The following NIFK variants were observed in gnomAD, a reference collection of about 807,000 sequenced individuals.
The protein encoded by NIFK is MKI67 FHA domain-interacting nucleolar phosphoprotein.
In NIFK, 16 loss-of-function variants were observed where a neutral mutation model predicts 31.7. The observed-to-expected ratio is 0.50, with a 90% CI of 0.34 to 0.77. NIFK has a LOEUF of 0.77. Among genes scored for constraint, NIFK ranks in the 30% least tolerant of loss-of-function variants. The probability of loss-of-function intolerance (pLI) is 0.01; values close to 1 mark genes in which losing one functional copy is unlikely to be tolerated. For missense variants in NIFK, 341 were observed against 350.4 expected, an observed-to-expected ratio of 0.97 and a Z score of 0.21; for synonymous variants, 126 against 123.0, an observed-to-expected ratio of 1.02 and a Z score of -0.16.
chr2:121,729,906 A>G lies in NIFK; in HGVS notation c.564+987T>C, dbSNP rs114126809. Among the ~76,000 whole-genome samples, 807 of 152,344 alleles carry G rather than the reference A, an allele frequency of 5.3e-3. 10 individuals are homozygous for G. The highest frequency in any genetic ancestry group is 0.018 in the African/African-American group (757 of 41,574). ...CATAATGTTTTAGGAAGAACCTACA[A>G]TGGAATGTTTCAAAAGTTTAGTCAG... On this transcript the variant is annotated intron_variant, in intron 4 of 6. Transcript: ENST00000285814.
At chr2:121,728,860 G>C (rs1338326558) in intron 4 of NIFK, among the ~76,000 whole-genome samples, 4 of 152,114 alleles carry the variant, frequency 2.6e-5, no homozygotes, top group African/African-American at 9.7e-5. Flanking sequence ...CACAAACAGG[G>C]TACAGGAAAA....
chr2:121,728,077 T>C, intron 6 of NIFK, 165 bp from the exon 7 acceptor site: 1 of 738,852 alleles, frequency 1.4e-6, no homozygotes, highest in Non-Finnish European at 2.1e-6. Flanking sequence ...CTTAGATGCT[T>C]ATCAAACTTG....
intron 3 of NIFK, 128 bp from the exon 4 acceptor site, chr2:121,731,232 C>G: frequency 1.6e-6 from 1 of 610,846 alleles, no homozygotes; most frequent in Non-Finnish European, 2.9e-6. Context: ...CCCAGCTTCT[C>G]TCACAGCAAT....
chr2:121,727,997 T>C, intron 6 of NIFK, 85 bp from the exon 7 acceptor site: 1 of 1,251,962 alleles, frequency 8.0e-7, no homozygotes, highest in Non-Finnish European at 1.1e-6. Context: ...TCCTCTATTT[T>C]TACAAGTTGT....
intron 1 of NIFK, among the ~76,000 whole-genome samples, chr2:121,736,210 T>C (rs958625005): frequency 6.6e-6 from 1 of 152,262 alleles, no homozygotes; most frequent in East Asian, 1.9e-4. Context: ...TAAGTTTTCC[T>C]GTGTATTTTA....
chr2:121,728,543 TA>T lies in NIFK; in HGVS notation c.565-8del. On this transcript the variant is annotated splice_region_variant and splice_polypyrimidine_tract_variant and intron_variant, in intron 4 of 6. Coordinates refer to ENST00000285814, the MANE Select transcript of NIFK (RefSeq NM_032390.5). ...TTTCCGTTTTCTGTAAAATCTTTAATAAAGAAGTTAGAAATTGACACTCATA... is the reference window on the plus strand; with the variant it reads ...TTTCCGTTTTCTGTAAAATCTTTAATAAGAAGTTAGAAATTGACACTCATA... The T allele has an allele frequency of 6.6e-7, 1 of 1,523,990 alleles. No individual in the cohort carries two copies. Among genetic ancestry groups the T allele is most frequent in the Non-Finnish European group, 9.0e-7 (1 of 1,115,564 alleles). The allele number at this position is 1,523,990 out of a possible 1,614,324, so 94.4% of individuals were successfully genotyped here.
At chr2:121,731,807 C>A (rs1023261190) in intron 3 of NIFK, among the ~76,000 whole-genome samples, 5 of 152,180 alleles carry the variant, frequency 3.3e-5, no homozygotes, top group African/African-American at 9.7e-5. Context: ...ACTATACTTC[C>A]TTAGAGAAGC....
At position 121,730,219 on chromosome 2, in the gene NIFK, A is replaced by AAAAAC. The variant is rs553647367; in HGVS notation, c.564+669_564+673dup. Among the ~76,000 whole-genome samples, 1,199 of 152,004 alleles carry AAAAAC rather than the reference A, an allele frequency of 7.9e-3. 4 individuals are homozygous for AAAAAC. Among genetic ancestry groups the AAAAAC allele is most frequent in the Middle Eastern group, 0.01 (3 of 292 alleles). On this transcript the variant is annotated intron_variant, in intron 4 of 6. Coordinates refer to ENST00000285814, the MANE Select transcript of NIFK (RefSeq NM_032390.5). ...GGCAACACAGCAAGACTCTGTCTCAAAAAACAAAACAAAACAAAACAAAAC... is the reference window on the plus strand; with the variant it reads ...GGCAACACAGCAAGACTCTGTCTCAAAAAACAAAACAAAACAAAACAAAACAAAAC...
rs1017163090 is a variant in NIFK, at chr2:121,728,049, A to G, written c.694-137T>C. The G allele has an allele frequency of 2.9e-5, 24 of 823,424 alleles. No individual in the cohort carries two copies. In the African/African-American group the frequency reaches 4.0e-4, roughly 14 times the overall value. 51.0% of individuals were successfully genotyped at this position (823,424 alleles called of 1,614,324 possible). ...TCTGTTACCATCTTTTGGTGATACT[A>G]TTGCAAAGAATAAAGAACTTAGATG... is the stretch of plus-strand genomic sequence containing the variant. On this transcript the variant is annotated intron_variant, in intron 6 of 6. Transcript: ENST00000285814.
At position 121,727,894 on chromosome 2, in the gene NIFK, T is replaced by C. The variant is rs773094431; in HGVS notation, c.712A>G (p.Thr238Ala). The C allele has an allele frequency of 6.2e-7, 1 of 1,601,748 alleles. No homozygotes were observed. Among genetic ancestry groups the C allele is most frequent in the Non-Finnish European group, 8.5e-7 (1 of 1,177,440 alleles). ...TTTCGCCTCTCCAAAAATGTTGGTGTACAAACTGGTGTGGGGCCCTGGATT... is the reference window on the plus strand; with the variant it reads ...TTTCGCCTCTCCAAAAATGTTGGTGCACAAACTGGTGTGGGGCCCTGGATT... ...VDSQGPTPVC[T>A]PTFLERRKSQ... Residue 238 changes from threonine to alanine, a missense_variant, in exon 7 of 7, where the codon ACA becomes GCA. Coordinates refer to ENST00000285814, the MANE Select transcript of NIFK (RefSeq NM_032390.5).
intron 4 of NIFK, among the ~76,000 whole-genome samples, chr2:121,728,779 A>C (rs2074514524): frequency 1.3e-5 from 2 of 152,200 alleles, no homozygotes; most frequent in Non-Finnish European, 2.9e-5. Flanking sequence ...TCACTGATTC[A>C]CAGAATCCTG....
intron 2 of NIFK, among the ~76,000 whole-genome samples, chr2:121,732,749 C>T (rs999505352): frequency 2.9e-4 from 44 of 151,936 alleles, no homozygotes; most frequent in Middle Eastern, 3.4e-3. Context: ...TTTGGGAGGC[C>T]GAGGGTGGAT....
chr2:121,734,756 T>C (rs1053200156), intron 2 of NIFK, among the ~76,000 whole-genome samples: 2 of 152,098 alleles, frequency 1.3e-5, no homozygotes, highest in Admixed American at 6.6e-5. Context: ...ATTGTACCAC[T>C]GCACTCCAGC....
chr2:121,731,334 A>G, intron 3 of NIFK: 2 of 516,428 alleles, frequency 3.9e-6, no homozygotes, highest in Non-Finnish European at 6.8e-6. Flanking sequence ...GGCACAGGGA[A>G]GCCAGAAACT....
intron 2 of NIFK, among the ~76,000 whole-genome samples, chr2:121,735,059 A>T (rs1245351969): frequency 6.6e-6 from 1 of 152,242 alleles, no homozygotes; most frequent in African/African-American, 2.4e-5. Flanking sequence ...TTTTCTCATT[A>T]GAAGGCAGGT....
chr2:121,727,740 C>T lies in NIFK; in HGVS notation c.866G>A (p.Arg289Lys), dbSNP rs1559903967. The change falls in exon 7 of 7, where the codon AGA (arginine) becomes AAA (lysine). Residue 289 changes from arginine to lysine, a missense_variant. Physicochemically the swap from Arg to Lys is conservative, Grantham distance 26 (BLOSUM62 2). Coordinates refer to ENST00000285814, the MANE Select transcript of NIFK (RefSeq NM_032390.5). Reference protein sequence around the residue: ...TPTHSRKKRRRSSNQ With the variant: ...TPTHSRKKRRKSSNQ Reference sequence around the variant, plus strand: ...CATTGAAAATCACTGATTGCTGCTTCTTCGTCTTTTTTTCCGTGAATGTGT... The same window carrying T: ...CATTGAAAATCACTGATTGCTGCTTTTTCGTCTTTTTTTCCGTGAATGTGT... 5.6e-6 allele frequency: 9 copies of T among 1,599,612 alleles called. No individual in the cohort carries two copies. Among genetic ancestry groups the T allele is most frequent in the Non-Finnish European group, 6.8e-6 (8 of 1,176,452 alleles).
At chr2:121,729,545 G>A (rs1004593213) in intron 4 of NIFK, among the ~76,000 whole-genome samples, 1 of 152,086 alleles carries the variant, frequency 6.6e-6, no homozygotes, top group Non-Finnish European at 1.5e-5. Context: ...CTTAATTCTG[G>A]CAGTGTCACC....
At position 121,727,310 on chromosome 2, in the gene NIFK, C is replaced by A; in HGVS notation, c.*414G>T. 2.4e-6 allele frequency: 1 copy of A among 418,034 alleles called. No homozygotes were observed. The allele number at this position is 418,034 out of a possible 1,614,324, so 25.9% of individuals were successfully genotyped here. A position where few individuals can be genotyped will look rare whatever the true frequency, so the allele number is the denominator to read the frequency against. Reference sequence around the variant, plus strand: ...AACCATCTGATGTTGAAATCTAAAGCACCTCCATGAGTTAAATGTCCCCGA... The same window carrying A: ...AACCATCTGATGTTGAAATCTAAAGAACCTCCATGAGTTAAATGTCCCCGA... On this transcript the variant is annotated 3_prime_UTR_variant, in exon 7 of 7. Coordinates refer to ENST00000285814, the MANE Select transcript of NIFK (RefSeq NM_032390.5).
At position 121,735,631 on chromosome 2, in the gene NIFK, C is replaced by A; in HGVS notation, c.225G>T (p.Arg75Ser). ...ATCTTACCCTTTTACTTCTGGACAG[C>A]CTGAACCGTGTCACAGTGCCAAACT... Reference protein sequence around the residue: ...FSQFGTVTRFRLSRSKRTGNS... With the variant: ...FSQFGTVTRFSLSRSKRTGNS... The change falls in exon 2 of 7, where the codon AGG becomes AGT. Residue 75 changes from arginine (R) to serine (S), a missense_variant. Physicochemically the swap from Arg to Ser is moderately radical, Grantham distance 110 (BLOSUM62 -1). Transcript: ENST00000285814. The A allele has an allele frequency of 6.2e-7, 1 of 1,611,976 alleles. No homozygotes were observed. Among genetic ancestry groups the A allele is most frequent in the Non-Finnish European group, 8.5e-7 (1 of 1,179,832 alleles).
Sources: gnomAD v4.1 joint callset for allele counts (sites outside exome capture counted in the v4.1 genomes callset) on GRCh38, gnomAD v4.1.1 for gene constraint, MANE v1.5 for transcripts, NCBI Gene and HGNC (gene_info 2026-07-23, HGNC 2026-07-21) for gene names.